Variants in ADGRL3 observed in about 807,000 individuals in gnomAD.
ADGRL3 encodes the protein calcium-independent alpha-latrotoxin receptor 3.
In ADGRL3, 62 loss-of-function variants were observed where a neutral mutation model predicts 153.5. The ratio of observed to expected loss-of-function variants is 0.40; its 90% CI spans 0.33 to 0.50. The LOEUF (loss-of-function observed/expected upper bound fraction) is 0.50. Among genes scored for constraint, ADGRL3 ranks in the 20% least tolerant of loss-of-function variants. The pLI, the probability that ADGRL3 is intolerant of heterozygous loss-of-function variation, is 0.47. For missense variants in ADGRL3, 1,641 were observed against 1,859.4 expected (o/e 0.88, Z 2.16); for synonymous variants, 710 against 672.5 (o/e 1.06, Z -0.86).
chr4:61,388,307 G>A (rs375617628), intron 2 of ADGRL3, among the ~76,000 whole-genome samples: 8 of 152,086 alleles, frequency 5.3e-5, no homozygotes, highest in African/African-American at 1.2e-4. Flanking sequence ...TAAGGACTAC[G>A]TAAGTGTTTG....
chr4:61,442,293 T>C lies in ADGRL3; in HGVS notation c.-173-54828T>C, dbSNP rs561842814. ...AAGTAAAGGAGATAATGTTAACTTT[T>C]GGAGGAATGACTATGGTTTGCTGGA... On this transcript the variant is annotated intron_variant, in intron 2 of 26. Coordinates refer to ENST00000683033, the MANE Select transcript of ADGRL3 (RefSeq NM_001387552.1). Among the ~76,000 whole-genome samples the C allele has an allele frequency of 1.6e-4, 25 of 152,316 alleles. 1 individual carries two copies. In the South Asian group the frequency reaches 5.2e-3, roughly 32 times the overall value.
chr4:61,692,814 C>T (rs972939817), intron 6 of ADGRL3, among the ~76,000 whole-genome samples: 2 of 152,086 alleles, frequency 1.3e-5, no homozygotes, highest in Non-Finnish European at 2.9e-5. Flanking sequence ...CACTCTATTA[C>T]AATTTTTATT....
chr4:61,676,939 T>C lies in ADGRL3; in HGVS notation c.583+4T>C, dbSNP rs1360568698. On this transcript the variant is annotated splice_donor_region_variant and intron_variant, in intron 6 of 26. Coordinates refer to ENST00000683033, the MANE Select transcript of ADGRL3 (RefSeq NM_001387552.1). ...CAGTATGAATGTGTCCCTTACAGTA[T>C]GTATATTCCTATACTTTTCTTGGCA... 4 of 1,552,924 alleles carry C rather than the reference T, an allele frequency of 2.6e-6. No individual in the cohort carries two copies. The South Asian group carries it at 3.3e-5, about 13-fold the overall frequency.
chr4:61,820,468 A>G (rs2097739934), intron 9 of ADGRL3, among the ~76,000 whole-genome samples: 2 of 152,202 alleles, frequency 1.3e-5, no homozygotes, highest in African/African-American at 2.4e-5. Context: ...CCTTCACTAT[A>G]AACGACTTAA....
chr4:62,066,240 C>T (rs1314970700), intron 25 of ADGRL3, among the ~76,000 whole-genome samples: 3 of 152,060 alleles, frequency 2.0e-5, no homozygotes, highest in East Asian at 3.9e-4. Context: ...TGAAATCTTA[C>T]ATGAAATATA....
At chr4:61,314,603 G>C (rs1019630106) in intron 1 of ADGRL3, among the ~76,000 whole-genome samples, 1 of 152,162 alleles carries the variant, frequency 6.6e-6, no homozygotes, top group Non-Finnish European at 1.5e-5. Context: ...CATCTTGCTG[G>C]CTCGTTGAAA....
chr4:61,525,880 A>G (rs1378393663), intron 4 of ADGRL3, among the ~76,000 whole-genome samples: 1 of 152,076 alleles, frequency 6.6e-6, no homozygotes, highest in African/African-American at 2.4e-5. Context: ...TAGAGGTGCA[A>G]ATGTGAAGCA....
chr4:61,987,546 T>C, intron 19 of ADGRL3, among the ~76,000 whole-genome samples: 1 of 152,126 alleles, frequency 6.6e-6, no homozygotes, highest in Admixed American at 6.6e-5. Flanking sequence ...CACACATCTC[T>C]GCTGTCTCAA....
chr4:61,971,885 A>G (rs1417283246), intron 17 of ADGRL3, among the ~76,000 whole-genome samples: 2 of 151,980 alleles, frequency 1.3e-5, no homozygotes, highest in Non-Finnish European at 2.9e-5. Context: ...TGTGGTTTTG[A>G]TTTGCATTTA....
At chr4:61,781,018 T>C (rs927307672) in intron 8 of ADGRL3, among the ~76,000 whole-genome samples, 2 of 152,160 alleles carry the variant, frequency 1.3e-5, no homozygotes, top group Non-Finnish European at 2.9e-5. Context: ...TTTTAATTTC[T>C]AAAATTATGC....
chr4:61,843,880 G>A lies in ADGRL3; in HGVS notation c.1480+29991G>A, dbSNP rs140545268. ...AAATAAAAAATTAGCCAGGCATAGTGGGTAGTGTGTGTCTGTAGTTCCAGC... is the reference window on the plus strand; with the variant it reads ...AAATAAAAAATTAGCCAGGCATAGTAGGTAGTGTGTGTCTGTAGTTCCAGC... On this transcript the variant is annotated intron_variant, in intron 9 of 26. Transcript: ENST00000683033. 5.1e-3 allele frequency among the ~76,000 whole-genome samples: 777 copies of A among 152,054 alleles called. 2 individuals carry two copies. The highest frequency in any genetic ancestry group is 0.018 in the African/African-American group (739 of 41,474).
At chr4:61,734,982 T>C (rs1455512111) in intron 8 of ADGRL3, among the ~76,000 whole-genome samples, 1 of 152,220 alleles carries the variant, frequency 6.6e-6, no homozygotes, top group East Asian at 1.9e-4. Flanking sequence ...ATATTTCTTA[T>C]TTTCTGCATT....
chr4:61,980,306 A>ATTTTTT (rs756680977), intron 18 of ADGRL3, among the ~76,000 whole-genome samples: 7,905 of 74,322 alleles, frequency 0.11, 1,596 homozygotes, highest in Non-Finnish European at 0.14. Context: ...GTAACCACTA[A>ATTTTTT]TTTTTTTTTT....
intron 6 of ADGRL3, among the ~76,000 whole-genome samples, chr4:61,715,250 G>C (rs1353563778): frequency 6.6e-6 from 1 of 152,156 alleles, no homozygotes; most frequent in Admixed American, 6.6e-5. Context: ...AATTGAAGAT[G>C]TCTTACTCAA....
chr4:61,708,031 T>C (rs1230001910), intron 6 of ADGRL3, among the ~76,000 whole-genome samples: 1 of 152,188 alleles, frequency 6.6e-6, no homozygotes, highest in Non-Finnish European at 1.5e-5. Context: ...TACATTCACC[T>C]TACCCAAATT....
intron 1 of ADGRL3, among the ~76,000 whole-genome samples, chr4:61,297,863 C>T (rs2094462504): frequency 6.6e-6 from 1 of 152,086 alleles, no homozygotes; most frequent in African/African-American, 2.4e-5. Context: ...TCACCACTGC[C>T]ACTGCTACTA....
At chr4:61,645,382 G>C (rs9761108) in intron 5 of ADGRL3, among the ~76,000 whole-genome samples, 1 of 149,370 alleles carries the variant, frequency 6.7e-6, no homozygotes, top group Non-Finnish European at 1.5e-5. Context: ...TCCTAGTCTC[G>C]ATGGTCTTTA....
At chr4:61,896,112 T>G (rs919152097) in intron 11 of ADGRL3, among the ~76,000 whole-genome samples, 3 of 152,166 alleles carry the variant, frequency 2.0e-5, no homozygotes, top group Admixed American at 1.3e-4. Flanking sequence ...CAAGAGGCAT[T>G]ATACATTAAG....
At chr4:61,435,443 C>T (rs1273602039) in intron 2 of ADGRL3, among the ~76,000 whole-genome samples, 1 of 152,056 alleles carries the variant, frequency 6.6e-6, no homozygotes, top group Non-Finnish European at 1.5e-5. Context: ...ATGGATTCAT[C>T]ATAAATATGT....
Sources: allele counts gnomAD v4.1 joint callset (sites outside exome capture counted in the v4.1 genomes callset), GRCh38; gene constraint gnomAD v4.1.1; transcripts MANE v1.5; gene names NCBI Gene and HGNC (gene_info 2026-07-23, HGNC 2026-07-21).